Variants in NXPE3 observed in about 807,000 individuals in gnomAD.
NXPE3 encodes NXPE family member 3.
In NXPE3, 26 loss-of-function variants were observed where a neutral mutation model predicts 46.1. That is an observed-to-expected ratio of 0.56 (90% CI 0.41 to 0.78). The LOEUF (loss-of-function observed/expected upper bound fraction) is 0.78. Among genes scored for constraint, NXPE3 ranks in the 30% least tolerant of loss-of-function variants. The pLI is 0.00. For synonymous variants in NXPE3, 272 were observed against 257.9 expected (o/e 1.05, Z -0.52); for missense variants, 620 against 686.0 (o/e 0.90, Z 1.07).
At chr3:101,813,921 AC>A (rs1170629470) in intron 6 of NXPE3, among the ~76,000 whole-genome samples, 1 of 152,204 alleles carries the variant, frequency 6.6e-6, no homozygotes, top group African/African-American at 2.4e-5. Flanking sequence ...TAAGGGGGCA[AC>A]ATAGGTATGT....
At chr3:101,808,854 T>TATATATACATATTTATATAC (rs770360739) in intron 6 of NXPE3, among the ~76,000 whole-genome samples, 1 of 100,348 alleles carries the variant, frequency 1.0e-5, no homozygotes, top group Non-Finnish European at 2.1e-5. Flanking sequence ...TATATATATA[T>TATATATACATATTTATATAC]ATGAGACATT....
intron 4 of NXPE3, among the ~76,000 whole-genome samples, chr3:101,787,165 A>G (rs1560037724): frequency 6.6e-6 from 1 of 151,652 alleles, no homozygotes; most frequent in Non-Finnish European, 1.5e-5. Flanking sequence ...AAAAAAACAC[A>G]ACAAATCCAA....
rs1942570836 is a variant in NXPE3 at position 101,827,947 on chromosome 3, C to T, written c.*5993C>T. ...CCCCCGTCCTCACTAGAGTGGAGAA[C>T]TGAAAGCGAACGCTATAAAGGGCGC... is the stretch of plus-strand genomic sequence containing the variant. On this transcript the variant is annotated 3_prime_UTR_variant, in exon 8 of 8. Coordinates refer to ENST00000273347, the MANE Select transcript of NXPE3 (RefSeq NM_145037.4). 1 of 152,258 alleles carries T rather than the reference C, an allele frequency of 6.6e-6. No individual in the cohort carries two copies. Among genetic ancestry groups the T allele is most frequent in the Non-Finnish European group, 1.5e-5 (1 of 68,074 alleles). The allele number at this position is 152,258 out of a possible 1,614,324, so 9.4% of individuals were successfully genotyped here.
chr3:101,786,578 C>T (rs939255987), intron 4 of NXPE3, among the ~76,000 whole-genome samples: 7 of 152,146 alleles, frequency 4.6e-5, no homozygotes, highest in Non-Finnish European at 1.0e-4. Flanking sequence ...GTTAAAGATT[C>T]TGTTAAAGAT....
At position 101,821,645 on chromosome 3, in the gene NXPE3, C is replaced by G. The variant is rs570084480; in HGVS notation, c.1371C>G (p.Ile457Met). The G allele has an allele frequency of 3.7e-6, 6 of 1,614,220 alleles. No homozygotes were observed. The East Asian group carries it at 1.1e-4, about 30-fold the overall frequency. ...GCACCTTCCCTTTGGAAGTGTACAT[C>G]CGGCGGCTCAGGAACATCCGTCGAG... ...HFSTFPLEVY[I>M]RRLRNIRRAV... is the part of the protein sequence containing the mutation. The change falls in exon 8 of 8, where the codon ATC (isoleucine) becomes ATG (methionine). Residue 457 changes from isoleucine (I) to methionine (M), a missense_variant. This residue lies in a region of NXPE3 where 75 missense variants were observed against 121.1 expected (regional missense o/e 0.62). Transcript: ENST00000273347.
chr3:101,794,725 GAC>G (rs1940724368), intron 4 of NXPE3, among the ~76,000 whole-genome samples: 1 of 152,152 alleles, frequency 6.6e-6, no homozygotes, highest in Non-Finnish European at 1.5e-5. Context: ...TAAAGGGAGA[GAC>G]AGAGAGACTT....
intron 5 of NXPE3, among the ~76,000 whole-genome samples, chr3:101,802,602 A>T (rs1002621635): frequency 1.3e-5 from 2 of 152,034 alleles, no homozygotes; most frequent in Non-Finnish European, 2.9e-5. Context: ...TTAAAAAACT[A>T]TGAATATGGC....
chr3:101,791,621 C>T (rs928193465), intron 4 of NXPE3, among the ~76,000 whole-genome samples: 3 of 152,122 alleles, frequency 2.0e-5, no homozygotes, highest in Non-Finnish European at 4.4e-5. Flanking sequence ...CGTGATCTGC[C>T]TGCCTCAGCC....
chr3:101,799,887 G>A (rs1193087699), intron 4 of NXPE3, among the ~76,000 whole-genome samples: 1 of 151,908 alleles, frequency 6.6e-6, no homozygotes, highest in African/African-American at 2.4e-5. Flanking sequence ...TTCCTTTAAT[G>A]TCCATGGGAT....
intron 4 of NXPE3, among the ~76,000 whole-genome samples, chr3:101,798,685 G>A (rs193107981): frequency 6.6e-5 from 10 of 150,562 alleles, no homozygotes; most frequent in East Asian, 2.0e-4. Flanking sequence ...CAATCTCAGC[G>A]TACTGCAACC....
chr3:101,808,189 A>G (rs760858253), intron 6 of NXPE3, among the ~76,000 whole-genome samples: 2 of 152,216 alleles, frequency 1.3e-5, no homozygotes, highest in Non-Finnish European at 2.9e-5. Context: ...TAGAATATTA[A>G]TAGTAAAAGA....
chr3:101,796,933 G>A (rs902324173), intron 4 of NXPE3, among the ~76,000 whole-genome samples: 2 of 152,156 alleles, frequency 1.3e-5, no homozygotes, highest in Non-Finnish European at 2.9e-5. Flanking sequence ...TATAGCTATT[G>A]AGGAGAGAGA....
Position 101,785,476 on chromosome 3 carries a change from A to G in NXPE3, c.-121A>G. ...CTGCATAAGAGCTCTTAAGGGTACT[A>G]GCAGGATAGAAGCAAATGAAACTGA... On this transcript the variant is annotated 5_prime_UTR_variant, in exon 4 of 8. Coordinates refer to ENST00000273347, the MANE Select transcript of NXPE3 (RefSeq NM_145037.4). 2 of 814,752 alleles carry G rather than the reference A, an allele frequency of 2.5e-6. No homozygotes were observed. Among genetic ancestry groups the G allele is most frequent in the South Asian group, 2.9e-5 (2 of 67,868 alleles). The allele number at this position is 814,752 out of a possible 1,614,324, so 50.5% of individuals were successfully genotyped here.
At chr3:101,817,825 G>A (rs1942037058) in intron 7 of NXPE3, among the ~76,000 whole-genome samples, 1 of 152,136 alleles carries the variant, frequency 6.6e-6, no homozygotes, top group African/African-American at 2.4e-5. Flanking sequence ...AGTAAAGCCT[G>A]ATGGTTTGTT....
intron 6 of NXPE3, among the ~76,000 whole-genome samples, chr3:101,815,073 A>ATC (rs1941910978): frequency 6.6e-6 from 1 of 152,222 alleles, no homozygotes; most frequent in African/African-American, 2.4e-5. Context: ...AATATTAGCC[A>ATC]TCACAGTCTG....
At position 101,822,042 on chromosome 3, in the gene NXPE3, T is replaced by A; in HGVS notation, c.*88T>A. The stretch of plus-strand genomic sequence containing the variant: ...GAAAGTGGCCCCAGTGAGAGATGAC[T>A]GCCCTTAATAAGTATAAAATTTCAA... On this transcript the variant is annotated 3_prime_UTR_variant, in exon 8 of 8. Coordinates refer to ENST00000273347, the MANE Select transcript of NXPE3 (RefSeq NM_145037.4). 8.6e-7 allele frequency: 1 copy of A among 1,168,016 alleles called. No individual in the cohort carries two copies. The highest frequency in any genetic ancestry group is 2.2e-5 in the Admixed American group (1 of 45,242). The allele number at this position is 1,168,016 out of a possible 1,614,324, so 72.4% of individuals were successfully genotyped here.
chr3:101,810,799 C>T (rs1941669783), intron 6 of NXPE3, among the ~76,000 whole-genome samples: 1 of 151,996 alleles, frequency 6.6e-6, no homozygotes, highest in Non-Finnish European at 1.5e-5. Flanking sequence ...ATTCTGGCAG[C>T]AACTTGAATG....
chr3:101,781,230 A>T (rs554313247), intron 1 of NXPE3, among the ~76,000 whole-genome samples: 544 of 152,354 alleles, frequency 3.6e-3, no homozygotes, highest in Non-Finnish European at 5.9e-3. Flanking sequence ...CAGAGTAGTT[A>T]GGATAGGGAC....
intron 6 of NXPE3, among the ~76,000 whole-genome samples, chr3:101,814,794 A>G (rs989314559): frequency 6.6e-6 from 1 of 152,162 alleles, no homozygotes; most frequent in African/African-American, 2.4e-5. Flanking sequence ...CCTTCAAGAA[A>G]AAAAAAAAGA....
Sources: gnomAD v4.1 joint callset for allele counts (sites outside exome capture counted in the v4.1 genomes callset) on GRCh38, gnomAD v4.1.1 for gene constraint, gnomAD v4.1.1 regional missense constraint, MANE v1.5 for transcripts, NCBI Gene and HGNC (gene_info 2026-07-23, HGNC 2026-07-21) for gene names.